SEMA3E: variants seen among roughly 807,000 people sequenced by gnomAD.
The protein encoded by SEMA3E is semaphorin 3E.
A neutral mutation model predicts 93.6 loss-of-function variants in SEMA3E; 49 were observed. The ratio of observed to expected loss-of-function variants is 0.52; its 90% CI spans 0.42 to 0.66. The LOEUF is 0.66. Ranked by LOEUF, SEMA3E falls within the 30% of genes least tolerant of loss-of-function variation. The probability of loss-of-function intolerance (pLI) is 0.00; values close to 1 mark genes in which losing one functional copy is unlikely to be tolerated. For synonymous variants in SEMA3E, 363 were observed against 330.7 expected (o/e 1.10, Z -1.06); for missense variants, 906 against 964.8 (o/e 0.94, Z 0.81).
intron 1 of SEMA3E, among the ~76,000 whole-genome samples, chr7:83,537,055 ACTCT>A (rs761688494): frequency 3.4e-5 from 5 of 147,354 alleles, no homozygotes; most frequent in African/African-American, 1.3e-4. Context: ...TCTCTCTCTC[ACTCT>A]CTCTCTTTCT....
At chr7:83,537,565 G>A (rs1475102290) in intron 1 of SEMA3E, among the ~76,000 whole-genome samples, 9 of 152,180 alleles carry the variant, frequency 5.9e-5, no homozygotes, top group Non-Finnish European at 1.5e-5. Context: ...ATGAATGTCA[G>A]TAGGGTGAGG....
chr7:83,607,893 G>A (rs1793160346), intron 1 of SEMA3E, among the ~76,000 whole-genome samples: 1 of 152,138 alleles, frequency 6.6e-6, no homozygotes, highest in African/African-American at 2.4e-5. Context: ...AATTAGAGGT[G>A]TGGTATAACC....
chr7:83,393,485 C>T (rs924270471), intron 13 of SEMA3E, among the ~76,000 whole-genome samples: 1 of 152,102 alleles, frequency 6.6e-6, no homozygotes, highest in African/African-American at 2.4e-5. Flanking sequence ...GCTGTAATTG[C>T]ACCACTGAAC....
chr7:83,405,382 A>G (rs1264285127), intron 9 of SEMA3E, 68 bp downstream of exon 9: 4 of 1,133,180 alleles, frequency 3.5e-6, no homozygotes, highest in Non-Finnish European at 5.4e-6. Context: ...TATATACACC[A>G]TGAAGGGAGA....
At chr7:83,524,983 T>C (rs1013855847) in intron 1 of SEMA3E, among the ~76,000 whole-genome samples, 5 of 151,974 alleles carry the variant, frequency 3.3e-5, no homozygotes, top group Non-Finnish European at 5.9e-5. Flanking sequence ...CTTTCTGGAT[T>C]GGCTACTCTT....
At chr7:83,612,522 C>T (rs1372769686) in intron 1 of SEMA3E, 1 of 152,098 alleles carries the variant, frequency 6.6e-6, no homozygotes, top group Non-Finnish European at 1.5e-5. Flanking sequence ...CAAGGTCACA[C>T]AGCCAGAATT....
chr7:83,506,283 G>A (rs1467582462), intron 1 of SEMA3E, among the ~76,000 whole-genome samples: 1 of 151,894 alleles, frequency 6.6e-6, no homozygotes, highest in South Asian at 2.1e-4. Flanking sequence ...GTATTATTCA[G>A]ACTTAAAAAA....
chr7:83,637,483 C>T (rs559800926), intron 1 of SEMA3E, among the ~76,000 whole-genome samples: 11 of 152,178 alleles, frequency 7.2e-5, no homozygotes, highest in South Asian at 2.1e-4. Context: ...GTGTCCCCAC[C>T]CAAATCTCAC....
rs527861217 is a variant in SEMA3E at position 83,363,555 on chromosome 7, G to C, written c.*4031C>G. 5 of 151,926 alleles carry C rather than the reference G, an allele frequency of 3.3e-5. No individual in the cohort carries two copies. The South Asian group carries it at 1.0e-3, about 32-fold the overall frequency. The allele number at this position is 151,926 out of a possible 1,614,324, so 9.4% of individuals were successfully genotyped here. A position where few individuals can be genotyped will look rare whatever the true frequency, so the allele number is the denominator to read the frequency against. On this transcript the variant is annotated 3_prime_UTR_variant, in exon 17 of 17. Transcript: ENST00000643230. ...AAGCAGAACACAATTTATAATGAAA[G>C]CCAAAATATAAAGCTATCCTTCCAA...
At chr7:83,591,125 A>T (rs1051275260) in intron 1 of SEMA3E, among the ~76,000 whole-genome samples, 21 of 148,832 alleles carry the variant, frequency 1.4e-4, no homozygotes, top group Admixed American at 1.3e-3. Context: ...AAAAAAAACA[A>T]GAGGAATTCT....
chr7:83,528,006 A>G (rs1376958697), intron 1 of SEMA3E, among the ~76,000 whole-genome samples: 1 of 152,116 alleles, frequency 6.6e-6, no homozygotes, highest in African/African-American at 2.4e-5. Context: ...ATGTCTATAC[A>G]TATAATGAAA....
intron 1 of SEMA3E, among the ~76,000 whole-genome samples, chr7:83,498,759 G>T (rs868063577): frequency 3.9e-5 from 6 of 152,128 alleles, no homozygotes; most frequent in Non-Finnish European, 7.3e-5. Context: ...GATTACAGGT[G>T]TGAGCCACTG....
At chr7:83,625,059 C>A (rs983041063) in intron 1 of SEMA3E, among the ~76,000 whole-genome samples, 2 of 152,012 alleles carry the variant, frequency 1.3e-5, no homozygotes, top group Non-Finnish European at 2.9e-5. Context: ...ATTTCTGAGG[C>A]CTCTGTTCTG....
intron 1 of SEMA3E, among the ~76,000 whole-genome samples, chr7:83,587,184 A>G (rs1341781108): frequency 6.6e-6 from 1 of 152,200 alleles, no homozygotes; most frequent in South Asian, 2.1e-4. Context: ...AACATTCTTT[A>G]AAGATTTATA....
chr7:83,426,150 T>C (rs771471895), intron 4 of SEMA3E, among the ~76,000 whole-genome samples: 4 of 152,230 alleles, frequency 2.6e-5, no homozygotes, highest in Non-Finnish European at 4.4e-5. Flanking sequence ...GTTCAGCCAC[T>C]GTAGAAATCA....
intron 16 of SEMA3E, chr7:83,372,309 A>G (rs951558020): frequency 2.0e-5 from 8 of 397,950 alleles, no homozygotes; most frequent in Non-Finnish European, 3.5e-5. Context: ...AATGCATACA[A>G]ACATCCTTAT....
chr7:83,417,335 T>C (rs1187663075), intron 5 of SEMA3E, among the ~76,000 whole-genome samples: 1 of 152,114 alleles, frequency 6.6e-6, no homozygotes, highest in Non-Finnish European at 1.5e-5. Flanking sequence ...GACTTGAATA[T>C]GTTTAGGGAA....
At chr7:83,403,802 C>A (rs1788276572) in intron 9 of SEMA3E, among the ~76,000 whole-genome samples, 1 of 151,924 alleles carries the variant, frequency 6.6e-6, no homozygotes, top group African/African-American at 2.4e-5. Flanking sequence ...ATACAGGGAA[C>A]ACTTGAGATA....
intron 1 of SEMA3E, among the ~76,000 whole-genome samples, chr7:83,494,795 CCA>C (rs1208030985): frequency 2.0e-5 from 3 of 152,062 alleles, no homozygotes; most frequent in Non-Finnish European, 4.4e-5. Context: ...TCCCACATCA[CCA>C]CAGTGTGACA....
Sources: gnomAD v4.1 joint callset for allele counts (sites outside exome capture counted in the v4.1 genomes callset) on GRCh38, gnomAD v4.1.1 for gene constraint, MANE v1.5 for transcripts, NCBI Gene and HGNC (gene_info 2026-07-23, HGNC 2026-07-21) for gene names.